The following TRAM2 variants were observed in gnomAD, a reference collection of about 807,000 sequenced individuals.
TRAM2 encodes translocation associated membrane protein 2, also known as translocating chain-associated membrane protein 2.
A neutral mutation model predicts 51.0 loss-of-function variants in TRAM2; 12 were observed. The ratio of observed to expected loss-of-function variants is 0.24; its 90% CI spans 0.15 to 0.38. The LOEUF (loss-of-function observed/expected upper bound fraction) is 0.38. Among genes scored for constraint, TRAM2 ranks in the 10% least tolerant of loss-of-function variants. TRAM2 has a pLI of 1.00. For missense variants in TRAM2, 361 were observed against 462.0 expected, an observed-to-expected ratio of 0.78 and a Z score of 2.00; for synonymous variants, 175 against 179.4, an observed-to-expected ratio of 0.98 and a Z score of 0.20.
At chr6:52,522,652 A>C (rs924716194) in intron 2 of TRAM2, among the ~76,000 whole-genome samples, 3 of 152,148 alleles carry the variant, frequency 2.0e-5, no homozygotes, top group Admixed American at 2.0e-4. Context: ...CTTTGGGAAA[A>C]AGCACCTTCA....
At chr6:52,541,338 T>G (rs895654224) in intron 1 of TRAM2, among the ~76,000 whole-genome samples, 11 of 152,128 alleles carry the variant, frequency 7.2e-5, no homozygotes, top group African/African-American at 2.7e-4. Context: ...CCCTACAAGA[T>G]AGGTACTAAT....
Position 52,521,422 on chromosome 6 carries a change from G to A in TRAM2, c.185-4685C>T, listed in dbSNP as rs370992246. Reference sequence around the variant, plus strand: ...AAAATCCTCACACAAGGCTGGGCGCGGTGGCTCACACCTGTAATCCCAGCA... The same window carrying A: ...AAAATCCTCACACAAGGCTGGGCGCAGTGGCTCACACCTGTAATCCCAGCA... On this transcript the variant is annotated intron_variant, in intron 2 of 10. Coordinates refer to ENST00000182527, the MANE Select transcript of TRAM2 (RefSeq NM_012288.4). 4.6e-4 allele frequency among the ~76,000 whole-genome samples: 69 copies of A among 151,522 alleles called. No individual in the cohort carries two copies. In the South Asian group the frequency reaches 0.011, roughly 25 times the overall value.
At position 52,520,539 on chromosome 6, in the gene TRAM2, C is replaced by T. The variant is rs557307710; in HGVS notation, c.185-3802G>A. 1.4e-4 allele frequency among the ~76,000 whole-genome samples: 22 copies of T among 152,364 alleles called. No individual in the cohort carries two copies. In the South Asian group the frequency reaches 2.1e-3, roughly 14 times the overall value. On this transcript the variant is annotated intron_variant, in intron 2 of 10. Transcript: ENST00000182527. ...ACGCGGATGGATTCTCAAGTTCCTT[C>T]TGGAACAGTACCTATATTCTATAGC...
chr6:52,516,955 T>C (rs1358752666), intron 2 of TRAM2: 5 of 556,056 alleles, frequency 9.0e-6, no homozygotes, highest in Non-Finnish European at 1.3e-5. Flanking sequence ...ACCAAGTGCA[T>C]GGCTGTATTG....
intron 1 of TRAM2, among the ~76,000 whole-genome samples, chr6:52,547,983 G>A (rs1047373147): frequency 2.6e-5 from 4 of 152,274 alleles, no homozygotes; most frequent in Non-Finnish European, 5.9e-5. Context: ...GAAAGCATTA[G>A]AAGTATGGTG....
intron 5 of TRAM2, 81 bp from the exon 6 acceptor site, chr6:52,508,399 G>T: frequency 7.3e-7 from 1 of 1,364,268 alleles, no homozygotes; most frequent in Admixed American, 1.8e-5. Context: ...GGAGGGAAAA[G>T]CATGGGCTGA....
At chr6:52,553,471 T>G (rs959583741) in intron 1 of TRAM2, among the ~76,000 whole-genome samples, 2 of 152,216 alleles carry the variant, frequency 1.3e-5, no homozygotes, top group East Asian at 1.9e-4. Context: ...TGTCCTTTCT[T>G]GCCTGCACTC....
intron 9 of TRAM2, among the ~76,000 whole-genome samples, chr6:52,504,981 G>A (rs1282577998): frequency 6.6e-6 from 1 of 152,258 alleles, no homozygotes; most frequent in African/African-American, 2.4e-5. Flanking sequence ...CGGGAAGGAA[G>A]TGGCGACAGA....
In TRAM2 at chr6:52,497,659, G is replaced by A. The variant is rs939590299; in HGVS notation, c.*5538C>T. On this transcript the variant is annotated 3_prime_UTR_variant, in exon 11 of 11. Transcript: ENST00000182527. ...TGTTGAAATTTGGTCCATATGAACA[G>A]GCTAGAGTAGAAAACAGACACTTTG... 3.9e-5 allele frequency: 6 copies of A among 151,968 alleles called. No homozygotes were observed. The highest frequency in any genetic ancestry group is 5.9e-5 in the Non-Finnish European group (4 of 67,984). 9.4% of individuals were successfully genotyped at this position (151,968 alleles called of 1,614,324 possible).
intron 1 of TRAM2, among the ~76,000 whole-genome samples, chr6:52,559,185 C>T (rs940497258): frequency 6.6e-6 from 1 of 152,190 alleles, no homozygotes; most frequent in African/African-American, 2.4e-5. Flanking sequence ...ACTTCTCTGG[C>T]CCAGAACCCC....
chr6:52,526,499 G>A (rs1766784452), intron 2 of TRAM2, among the ~76,000 whole-genome samples: 1 of 152,052 alleles, frequency 6.6e-6, no homozygotes, highest in Admixed American at 6.5e-5. Flanking sequence ...CGATTCTTGT[G>A]CCTCGGCCTC....
chr6:52,509,291 C>T (rs946126737), intron 5 of TRAM2, among the ~76,000 whole-genome samples: 2 of 152,192 alleles, frequency 1.3e-5, no homozygotes, highest in Admixed American at 1.3e-4. Flanking sequence ...CTGTCTCATG[C>T]AGTTGAGGGA....
chr6:52,548,802 G>A (rs2114095511), intron 1 of TRAM2, among the ~76,000 whole-genome samples: 1 of 152,310 alleles, frequency 6.6e-6, no homozygotes, highest in South Asian at 2.1e-4. Flanking sequence ...GACAGCGTTA[G>A]GCAAAGGGCA....
At chr6:52,546,854 A>G (rs1056659879) in intron 1 of TRAM2, among the ~76,000 whole-genome samples, 3 of 152,162 alleles carry the variant, frequency 2.0e-5, no homozygotes, top group Admixed American at 2.0e-4. Context: ...CAGGACTGAA[A>G]TGTGAGCAGC....
Position 52,503,281 on chromosome 6 carries a change from G to A in TRAM2, c.1040-11C>T, listed in dbSNP as rs1476035497. On this transcript the variant is annotated splice_polypyrimidine_tract_variant and intron_variant, in intron 10 of 10. Coordinates refer to ENST00000182527, the MANE Select transcript of TRAM2 (RefSeq NM_012288.4). ...CATTTTCATGGTAACCTGGGAAGTG[G>A]AGAGAGACAAGCATACATGGTGTTT... The A allele has an allele frequency of 1.2e-6, 2 of 1,612,762 alleles. No homozygotes were observed. The highest frequency in any genetic ancestry group is 8.5e-7 in the Non-Finnish European group (1 of 1,178,714).
intron 1 of TRAM2, among the ~76,000 whole-genome samples, chr6:52,570,806 C>CG (rs1554267142): frequency 7.5e-6 from 1 of 132,642 alleles, no homozygotes; most frequent in Non-Finnish European, 1.6e-5. Flanking sequence ...CCCCCCCCCC[C>CG]ACACGCACAC....
intron 1 of TRAM2, among the ~76,000 whole-genome samples, chr6:52,569,315 G>A (rs141731756): frequency 1.8e-4 from 27 of 151,236 alleles, no homozygotes; most frequent in Admixed American, 3.3e-4. Context: ...GCTTGAACCC[G>A]GGAAGTGGAG....
chr6:52,507,412 C>T (rs1389807174), intron 7 of TRAM2, 141 bp downstream of exon 7: 6 of 767,244 alleles, frequency 7.8e-6, no homozygotes, highest in Non-Finnish European at 1.3e-5. Flanking sequence ...CTTCCATTAC[C>T]ATCTTTGTAT....
At chr6:52,508,453 C>G in intron 5 of TRAM2, 135 bp from the exon 6 acceptor site, 1 of 792,368 alleles carries the variant, frequency 1.3e-6, no homozygotes, top group Non-Finnish European at 2.0e-6. Flanking sequence ...GGGAGTTAGG[C>G]CAGTGACCGC....
Sources: allele counts gnomAD v4.1 joint callset (sites outside exome capture counted in the v4.1 genomes callset), GRCh38; gene constraint gnomAD v4.1.1; transcripts MANE v1.5; gene names NCBI Gene and HGNC (gene_info 2026-07-23, HGNC 2026-07-21).